Variants in PALM2AKAP2 observed in about 807,000 individuals in gnomAD.
The protein encoded by PALM2AKAP2 is PALM2 and AKAP2 fusion, also known as PALM2-AKAP2 fusion protein.
A neutral mutation model predicts 71.5 loss-of-function variants in PALM2AKAP2; 37 were observed. The observed-to-expected ratio is 0.52, with a 90% CI of 0.40 to 0.68. The LOEUF (loss-of-function observed/expected upper bound fraction) is 0.68, where lower values mean the gene tolerates loss of function less well. PALM2AKAP2 is among the 30% of genes least tolerant of loss of function. The probability of loss-of-function intolerance (pLI) is 0.00; values close to 1 mark genes in which losing one functional copy is unlikely to be tolerated. For missense variants in PALM2AKAP2, 1,224 were observed against 1,191.8 expected (o/e 1.03, Z -0.40); for synonymous variants, 468 against 478.8 (o/e 0.98, Z 0.29).
chr9:110,005,765 T>C (rs1832767191), intron 6 of PALM2AKAP2, among the ~76,000 whole-genome samples: 1 of 152,232 alleles, frequency 6.6e-6, no homozygotes, highest in Admixed American at 6.5e-5. Flanking sequence ...CCTTGCAGTT[T>C]GATCTCAGAC....
intron 7 of PALM2AKAP2, among the ~76,000 whole-genome samples, chr9:110,037,886 A>G (rs756288299): frequency 2.6e-5 from 4 of 152,204 alleles, no homozygotes; most frequent in Non-Finnish European, 5.9e-5. Flanking sequence ...AAATAAGCTG[A>G]CATATAAATT....
At chr9:109,729,107 T>C (rs1828516079) in intron 1 of PALM2AKAP2, among the ~76,000 whole-genome samples, 1 of 152,230 alleles carries the variant, frequency 6.6e-6, no homozygotes, top group Non-Finnish European at 1.5e-5. Flanking sequence ...ATTTTTTTAC[T>C]GCAGCATATT....
intron 6 of PALM2AKAP2, among the ~76,000 whole-genome samples, chr9:109,953,880 C>T (rs955536450): frequency 1.3e-5 from 2 of 151,120 alleles, no homozygotes; most frequent in African/African-American, 4.9e-5. Context: ...GTGGAGATGC[C>T]CCTGAGACTG....
chr9:109,833,445 T>C (rs1019185681), intron 1 of PALM2AKAP2, among the ~76,000 whole-genome samples: 4 of 152,158 alleles, frequency 2.6e-5, no homozygotes, highest in African/African-American at 9.7e-5. Context: ...CAAAGGTGAA[T>C]TGGCCATGGT....
At chr9:109,974,585 C>T (rs1162053044) in intron 6 of PALM2AKAP2, among the ~76,000 whole-genome samples, 1 of 152,144 alleles carries the variant, frequency 6.6e-6, no homozygotes, top group Non-Finnish European at 1.5e-5. Flanking sequence ...ACTCTCACTT[C>T]CCTGAATGGT....
chr9:110,138,258 C>T, exon 2 of PALM2AKAP2: 2 of 1,614,196 alleles, frequency 1.2e-6, no homozygotes, highest in African/African-American at 2.7e-5. Context: ...ATGGAGGAGA[C>T]CAGGCCCGAA....
At chr9:109,840,083 G>C (rs149734770) in intron 1 of PALM2AKAP2, among the ~76,000 whole-genome samples, 4,927 of 152,170 alleles carry the variant, frequency 0.032, 104 homozygotes, top group Non-Finnish European at 0.042. Context: ...AAGAACAAAG[G>C]TGGAGGCATC....
chr9:109,643,380 G>A (rs978770224), intron 1 of PALM2AKAP2, among the ~76,000 whole-genome samples: 1 of 152,242 alleles, frequency 6.6e-6, no homozygotes, highest in Non-Finnish European at 1.5e-5. Context: ...TGCCAGGGCA[G>A]CAACTTTCAT....
intron 1 of PALM2AKAP2, among the ~76,000 whole-genome samples, chr9:109,858,366 G>A (rs1227855475): frequency 6.6e-6 from 1 of 152,164 alleles, no homozygotes; most frequent in Non-Finnish European, 1.5e-5. Flanking sequence ...CTCAGGAAGG[G>A]CACATGTGAC....
At chr9:110,068,289 T>A (rs1469529811) in intron 1 of PALM2AKAP2, among the ~76,000 whole-genome samples, 1 of 150,056 alleles carries the variant, frequency 6.7e-6, no homozygotes, top group African/African-American at 2.5e-5. Context: ...GTTTTCCTGA[T>A]GAGGCTTCTG....
At chr9:110,064,974 A>T (rs1834046132) in intron 1 of PALM2AKAP2, among the ~76,000 whole-genome samples, 1 of 152,178 alleles carries the variant, frequency 6.6e-6, no homozygotes, top group Non-Finnish European at 1.5e-5. Flanking sequence ...GCTGTCAGAA[A>T]GGGCTTGTTC....
chr9:109,924,614 A>C (rs1387587767), intron 4 of PALM2AKAP2, among the ~76,000 whole-genome samples: 1 of 152,170 alleles, frequency 6.6e-6, no homozygotes, highest in African/African-American at 2.4e-5. Context: ...AAACAAAAAC[A>C]AAAAACAAAG....
intron 1 of PALM2AKAP2, chr9:110,090,525 A>G: frequency 4.6e-6 from 2 of 433,612 alleles, no homozygotes; most frequent in South Asian, 3.2e-5. Flanking sequence ...CTTCAGGGAC[A>G]TTGCATTTAT....
chr9:110,115,946 C>G (rs942163359), intron 1 of PALM2AKAP2, among the ~76,000 whole-genome samples: 15 of 152,292 alleles, frequency 9.8e-5, no homozygotes, highest in African/African-American at 3.4e-4. Context: ...TCTTTCTCCT[C>G]TGGCATTGTG....
At chr9:109,692,002 CT>C (rs1411442163) in intron 1 of PALM2AKAP2, among the ~76,000 whole-genome samples, 3 of 143,684 alleles carry the variant, frequency 2.1e-5, no homozygotes, top group Non-Finnish European at 4.6e-5. Flanking sequence ...TTCAGTAATG[CT>C]TTTAATCATT....
intron 1 of PALM2AKAP2, among the ~76,000 whole-genome samples, chr9:109,646,031 C>G (rs1827148229): frequency 6.6e-6 from 1 of 152,080 alleles, no homozygotes; most frequent in Non-Finnish European, 1.5e-5. Flanking sequence ...AAAGAAAAAT[C>G]TAGGTAATAA....
chr9:110,069,308 A>G (rs1454026102), intron 1 of PALM2AKAP2, among the ~76,000 whole-genome samples: 1 of 152,250 alleles, frequency 6.6e-6, no homozygotes, highest in African/African-American at 2.4e-5. Context: ...CAACCATTCA[A>G]CATCAAATGA....
chr9:109,950,461 G>C (rs1831610819), intron 6 of PALM2AKAP2, among the ~76,000 whole-genome samples: 1 of 151,962 alleles, frequency 6.6e-6, no homozygotes. Flanking sequence ...TCAAATTCCT[G>C]AAGTCCCTTC....
At chr9:109,763,459 A>C (rs931331249) in intron 1 of PALM2AKAP2, among the ~76,000 whole-genome samples, 3 of 152,232 alleles carry the variant, frequency 2.0e-5, no homozygotes, top group Non-Finnish European at 4.4e-5. Context: ...AAAGATGGGA[A>C]TGATACTACC....
Sources: allele counts gnomAD v4.1 joint callset (sites outside exome capture counted in the v4.1 genomes callset), GRCh38; gene constraint gnomAD v4.1.1; transcripts MANE v1.5; gene names NCBI Gene and HGNC (gene_info 2026-07-23, HGNC 2026-07-21).